Variants in MAOA observed in about 807,000 individuals in gnomAD.
MAOA encodes amine oxidase [flavin-containing] A.
Under a neutral mutation model 42.0 loss-of-function variants are expected in MAOA, and 6 were observed. The observed-to-expected ratio is 0.14, with a 90% CI of 0.08 to 0.28. MAOA has a LOEUF of 0.28. Ranked by LOEUF, MAOA falls within the 10% of genes least tolerant of loss-of-function variation. The probability of loss-of-function intolerance (pLI) is 1.00; values close to 1 mark genes in which losing one functional copy is unlikely to be tolerated. For missense variants in MAOA, 262 were observed against 422.3 expected (o/e 0.62, Z 3.33); for synonymous variants, 140 against 154.0 (o/e 0.91, Z 0.67).
rs773932896 is a variant in MAOA at position 43,719,102 on chromosome X, A to G, written c.503+6306A>G. Among the ~76,000 whole-genome samples the G allele has an allele frequency of 4.5e-5, 5 of 110,837 alleles. No individual in the cohort carries two copies. In the South Asian group the frequency reaches 1.9e-3, roughly 43 times the overall value. On this transcript the variant is annotated intron_variant, in intron 5 of 14. Transcript: ENST00000338702. ...ATCTTCCTGGATGACCCAAAGGGGAAAGGGGGAGACAAGGCAAGGTGGAAG... is the reference window on the plus strand; with the variant it reads ...ATCTTCCTGGATGACCCAAAGGGGAGAGGGGGAGACAAGGCAAGGTGGAAG...
At chrX:43,676,325 C>T (rs896035310) in intron 1 of MAOA, among the ~76,000 whole-genome samples, 50 of 111,755 alleles carry the variant, frequency 4.5e-4, no homozygotes, top group Non-Finnish European at 8.3e-4. Flanking sequence ...GGGAGTGACC[C>T]GATTTTCCAG....
At chrX:43,663,372 G>A (rs528057598) in intron 1 of MAOA, among the ~76,000 whole-genome samples, 3 of 111,716 alleles carry the variant, frequency 2.7e-5, no homozygotes, top group South Asian at 3.7e-4. Context: ...TTAATTGATT[G>A]ACTAAGAGTG....
At chrX:43,674,985 T>C (rs1462160157) in intron 1 of MAOA, among the ~76,000 whole-genome samples, 1 of 111,913 alleles carries the variant, frequency 8.9e-6, no homozygotes, top group African/African-American at 3.2e-5. Context: ...TGAATCTGAA[T>C]GTTGGCCTGC....
rs1038965407 is a variant in MAOA, at chrX:43,746,381, G to A, written c.*1868G>A. The A allele has an allele frequency of 1.3e-4, 15 of 111,954 alleles. No homozygotes were observed. The highest frequency in any genetic ancestry group is 4.6e-4 in the African/African-American group (14 of 30,768). 9.2% of individuals were successfully genotyped at this position (111,954 alleles called of 1,213,427 possible). On this transcript the variant is annotated 3_prime_UTR_variant, in exon 15 of 15. Coordinates refer to ENST00000338702, the MANE Select transcript of MAOA (RefSeq NM_000240.4). ...TGCCAGTCCAGATGTGCCTAGACAC[G>A]AAATTGGAGCTGAGGACTCTCACGA...
intron 1 of MAOA, among the ~76,000 whole-genome samples, chrX:43,676,245 A>G (rs2033394626): frequency 8.9e-6 from 1 of 111,971 alleles, no homozygotes; most frequent in South Asian, 3.7e-4. Context: ...GGACCCTCTG[A>G]GCCAGGTGCG....
intron 2 of MAOA, among the ~76,000 whole-genome samples, chrX:43,684,369 T>C (rs922339469): frequency 9.1e-6 from 1 of 110,119 alleles, no homozygotes; most frequent in Non-Finnish European, 1.9e-5. Context: ...GGGAAGGAAA[T>C]AGGGGCAAAG....
At chrX:43,691,365 C>A (rs1304615501) in intron 2 of MAOA, among the ~76,000 whole-genome samples, 1 of 106,133 alleles carries the variant, frequency 9.4e-6, no homozygotes, top group Non-Finnish European at 1.9e-5. Context: ...TAGAGTAAGA[C>A]CCTGTCTCAA....
At chrX:43,724,535 T>A (rs1175774388) in intron 5 of MAOA, among the ~76,000 whole-genome samples, 1 of 111,871 alleles carries the variant, frequency 8.9e-6, no homozygotes, top group Non-Finnish European at 1.9e-5. Flanking sequence ...ATCCCCTTTT[T>A]CTTTTTTTAT....
chrX:43,656,979 A>G (rs1350462004), intron 1 of MAOA, among the ~76,000 whole-genome samples: 2 of 106,560 alleles, frequency 1.9e-5, no homozygotes, highest in African/African-American at 6.9e-5. Context: ...GCTCTTCTCT[A>G]TTTTCCGTAG....
At chrX:43,666,408 C>G (rs1438766850) in intron 1 of MAOA, among the ~76,000 whole-genome samples, 2 of 111,024 alleles carry the variant, frequency 1.8e-5, no homozygotes, top group African/African-American at 6.6e-5. Flanking sequence ...TGTCATACAC[C>G]ACATCCATTC....
intron 3 of MAOA, among the ~76,000 whole-genome samples, chrX:43,701,743 T>C (rs1391702303): frequency 8.9e-6 from 1 of 111,997 alleles, no homozygotes; most frequent in African/African-American, 3.2e-5. Flanking sequence ...AGTATTTGGG[T>C]TAATGGCCAA....
At chrX:43,671,462 C>G (rs1057376772) in intron 1 of MAOA, among the ~76,000 whole-genome samples, 1 of 112,241 alleles carries the variant, frequency 8.9e-6, no homozygotes, top group African/African-American at 3.2e-5. Context: ...TCCCATTTGT[C>G]AATTTTGGCT....
chrX:43,707,065 C>T (rs1190360127), intron 3 of MAOA, among the ~76,000 whole-genome samples: 1 of 111,311 alleles, frequency 9.0e-6, no homozygotes, highest in Non-Finnish European at 1.9e-5. Flanking sequence ...GGAGCAGAGG[C>T]ATGAAAAATG....
At position 43,666,294 on chromosome X, in the gene MAOA, A is replaced by G. The variant is rs141484926; in HGVS notation, c.73+9880A>G. Among the ~76,000 whole-genome samples the G allele has an allele frequency of 5.9e-3, 661 of 111,993 alleles. 5 individuals carry two copies. The highest frequency in any genetic ancestry group is 0.019 in the African/African-American group (595 of 30,857). ...AAAACAAGACACTTGATATTTCCCC[A>G]TAACTCTTCTTCCCCTGGCTGTTTC... On this transcript the variant is annotated intron_variant, in intron 1 of 14. Transcript: ENST00000338702.
At chrX:43,703,587 C>G (rs1318941569) in intron 3 of MAOA, among the ~76,000 whole-genome samples, 2 of 112,127 alleles carry the variant, frequency 1.8e-5, no homozygotes, top group Non-Finnish European at 3.8e-5. Context: ...TGTGTTATGT[C>G]ATACTTCTGC....
chrX:43,663,197 T>G (rs922624182), intron 1 of MAOA, among the ~76,000 whole-genome samples: 2 of 111,498 alleles, frequency 1.8e-5, no homozygotes, highest in Non-Finnish European at 3.8e-5. Flanking sequence ...GGGAAGAGTT[T>G]GCATTATCTG....
chrX:43,679,589 A>C (rs1228937434), intron 1 of MAOA, among the ~76,000 whole-genome samples: 1 of 110,612 alleles, frequency 9.0e-6, no homozygotes, highest in East Asian at 2.8e-4. Context: ...AGGCCCCACC[A>C]CTGTTGTTCA....
intron 3 of MAOA, among the ~76,000 whole-genome samples, chrX:43,705,383 T>C (rs1277493438): frequency 8.9e-6 from 1 of 112,167 alleles, no homozygotes; most frequent in East Asian, 2.8e-4. Flanking sequence ...TAAAATAAGT[T>C]ATTTCAACAA....
chrX:43,664,534 T>A (rs1425318812), intron 1 of MAOA, among the ~76,000 whole-genome samples: 1 of 111,500 alleles, frequency 9.0e-6, no homozygotes, highest in Admixed American at 9.5e-5. Flanking sequence ...AAGGATTTCA[T>A]GGAGGAAGTC....
Sources: gnomAD v4.1 joint callset for allele counts (sites outside exome capture counted in the v4.1 genomes callset) on GRCh38, gnomAD v4.1.1 for gene constraint, MANE v1.5 for transcripts, NCBI Gene and HGNC (gene_info 2026-07-23, HGNC 2026-07-21) for gene names.